PCYT2: variants seen among roughly 807,000 people sequenced by gnomAD.
PCYT2 encodes ethanolamine-phosphate cytidylyltransferase.
A neutral mutation model predicts 50.0 loss-of-function variants in PCYT2; 33 were observed. The observed-to-expected ratio is 0.66, with a 90% CI of 0.50 to 0.88. PCYT2 has a LOEUF of 0.88. Among genes scored for constraint, PCYT2 ranks in the 40% least tolerant of loss-of-function variants. PCYT2 has a pLI of 0.00. For synonymous variants in PCYT2, 240 were observed against 203.7 expected (o/e 1.18, Z -1.52); for missense variants, 430 against 519.7 (o/e 0.83, Z 1.68).
intron 6 of PCYT2, 35 bp from the exon 7 acceptor site, chr17:81,906,933 A>C (rs1338468885): frequency 6.2e-7 from 1 of 1,602,496 alleles, no homozygotes; most frequent in Admixed American, 1.7e-5. Context: ...TTGGCGGGGG[A>C]GGCCTCCCAG....
chr17:81,905,281 G>T, intron 11 of PCYT2, 101 bp downstream of exon 11: 1 of 1,324,322 alleles, frequency 7.6e-7, no homozygotes, highest in Non-Finnish European at 1.1e-6. Flanking sequence ...CGGAGCAGCT[G>T]CGCCACCATG....
At chr17:81,907,341 C>A in intron 6 of PCYT2, 2 of 1,359,486 alleles carry the variant, frequency 1.5e-6, no homozygotes, top group South Asian at 1.4e-5. Context: ...CAGTGGCTGC[C>A]GTGACCGGCC....
intron 7 of PCYT2, 31 bp from the exon 8 acceptor site, chr17:81,906,577 G>C (rs372363052): frequency 6.2e-7 from 1 of 1,603,184 alleles, no homozygotes; most frequent in Non-Finnish European, 8.5e-7. Context: ...AGTCGGGATG[G>C]GGATGACAGG....
chr17:81,905,632 G>A, intron 10 of PCYT2, 38 bp downstream of exon 10: 1 of 1,594,218 alleles, frequency 6.3e-7, no homozygotes, highest in Non-Finnish European at 8.6e-7. Flanking sequence ...GAACAGAGGT[G>A]AACAGAGGGA....
chr17:81,905,195 T>C, intron 11 of PCYT2, 41 bp from the exon 12 acceptor site: 1 of 1,540,004 alleles, frequency 6.5e-7, no homozygotes, highest in South Asian at 1.2e-5. Context: ...AGGTCCCTGC[T>C]GACCTCCCCA....
In PCYT2 at chr17:81,902,997, C is replaced by G. The variant is rs894689517; in HGVS notation, c.*1836G>C. 10 of 495,536 alleles carry G rather than the reference C, an allele frequency of 2.0e-5. 1 individual carries two copies. In the Admixed American group the frequency reaches 2.4e-4, roughly 12 times the overall value. 30.7% of individuals were successfully genotyped at this position (495,536 alleles called of 1,614,324 possible). A position where few individuals can be genotyped will look rare whatever the true frequency, so the allele number is the denominator to read the frequency against. On this transcript the variant is annotated 3_prime_UTR_variant, in exon 13 of 13. Transcript: ENST00000538936. ...GGGTATGAGAAGGCAGCCGAGTGTG[C>G]GGCGGCAGGGCAAGGTTGGCCTGGG...
Position 81,902,484 on chromosome 17 carries a change from C to A in PCYT2, c.*2349G>T. ...GGGCGGAACCCCCGGGCGGGGCCGG[C>A]GCCTCCCCGGAGCTGCAACTGCACC... is the stretch of plus-strand genomic sequence containing the variant. On this transcript the variant is annotated 3_prime_UTR_variant, in exon 13 of 13. Transcript: ENST00000538936. 7.2e-7 allele frequency: 1 copy of A among 1,397,754 alleles called. No homozygotes were observed. The highest frequency in any genetic ancestry group is 9.2e-7 in the Non-Finnish European group (1 of 1,084,424). 86.6% of individuals were successfully genotyped at this position (1,397,754 alleles called of 1,614,324 possible).
intron 8 of PCYT2, 48 bp from the exon 9 acceptor site, chr17:81,906,225 C>G: frequency 2.0e-6 from 3 of 1,508,892 alleles, no homozygotes; most frequent in Admixed American, 1.9e-5. Context: ...TTTGGGGGGA[C>G]AGGGTGTGCC....
In PCYT2 at chr17:81,901,444, C is replaced by T. The variant is rs1307610974; in HGVS notation, c.*3389G>A. 1 of 152,354 alleles carries T rather than the reference C, an allele frequency of 6.6e-6. No homozygotes were observed. Among genetic ancestry groups the T allele is most frequent in the Admixed American group, 6.5e-5 (1 of 15,288 alleles). 9.4% of individuals were successfully genotyped at this position (152,354 alleles called of 1,614,324 possible). A position where few individuals can be genotyped will look rare whatever the true frequency, so the allele number is the denominator to read the frequency against. On this transcript the variant is annotated 3_prime_UTR_variant, in exon 13 of 13. Transcript: ENST00000538936. The stretch of plus-strand genomic sequence containing the variant: ...TCAATCCAGTCAAGCTGACACTCAG[C>T]ATTCACCATCACACCTGGGAAGCAT...
chr17:81,909,624 G>A, intron 1 of PCYT2, 22 bp from the exon 2 acceptor site: 1 of 1,592,916 alleles, frequency 6.3e-7, no homozygotes, highest in African/African-American at 1.3e-5. Context: ...GAGAGAGTGG[G>A]TGGTCCCTGT....
At chr17:81,905,906 A>G (rs927022215) in intron 9 of PCYT2, 171 bp from the exon 10 acceptor site, 1 of 767,376 alleles carries the variant, frequency 1.3e-6, no homozygotes, top group Middle Eastern at 3.3e-4. Context: ...AAGAAGGAAC[A>G]GCATCTGGAG....
rs2143616671 is a variant in PCYT2 at position 81,902,751 on chromosome 17, C to G, written c.*2082G>C. Reference sequence around the variant, plus strand: ...CAGCCGACTGCCTCGCCGCCTGAGCCCGGACCTCTCCTGGCACCGCTGGGG... The same window carrying G: ...CAGCCGACTGCCTCGCCGCCTGAGCGCGGACCTCTCCTGGCACCGCTGGGG... On this transcript the variant is annotated 3_prime_UTR_variant, in exon 13 of 13. Coordinates refer to ENST00000538936, the MANE Select transcript of PCYT2 (RefSeq NM_002861.5). 1 of 1,604,172 alleles carries G rather than the reference C, an allele frequency of 6.2e-7. No individual in the cohort carries two copies. The highest frequency in any genetic ancestry group is 1.1e-5 in the South Asian group (1 of 90,016).
At chr17:81,905,917 A>G (rs2143670971) in intron 9 of PCYT2, 182 bp from the exon 10 acceptor site, 2 of 748,692 alleles carry the variant, frequency 2.7e-6, no homozygotes, top group East Asian at 5.3e-5. Context: ...GCATCTGGAG[A>G]CCTGACCACC....
intron 1 of PCYT2, 56 bp downstream of exon 1, chr17:81,911,211 C>A (rs1487335595): frequency 7.8e-6 from 8 of 1,023,350 alleles, no homozygotes; most frequent in Non-Finnish European, 8.2e-6. Flanking sequence ...TGGCGCGGCG[C>A]CCCGGAAGGA....
In PCYT2 at chr17:81,906,849, G is replaced by A; in HGVS notation, c.587C>T (p.Thr196Ile). Residue 196 changes from threonine (T) to isoleucine (I), a missense_variant, in exon 7 of 13, where the codon ACA (threonine) becomes ATA (isoleucine). This residue lies in a region of PCYT2 where 248 missense variants were observed against 300.2 expected (regional missense o/e 0.83). Transcript: ENST00000538936. ...AGCAAACTGGATGATCTTCTGAGAT[G>A]TCTGCAGGAACTGGGATACCCCGGT... Reference protein sequence around the residue: ...PWTGVSQFLQTSQKIIQFASG... With the variant: ...PWTGVSQFLQISQKIIQFASG... 6.2e-7 allele frequency: 1 copy of A among 1,613,448 alleles called. No individual in the cohort carries two copies. Among genetic ancestry groups the A allele is most frequent in the Non-Finnish European group, 8.5e-7 (1 of 1,179,950 alleles).
intron 11 of PCYT2, 69 bp from the exon 12 acceptor site, chr17:81,905,223 T>G (rs940426559): frequency 4.2e-6 from 6 of 1,418,284 alleles, no homozygotes; most frequent in African/African-American, 2.8e-5. Flanking sequence ...TCTGATGCCC[T>G]GCCCCAGAGG....
rs141286560 is a variant in PCYT2, at chr17:81,902,667, G to T, written c.*2166C>A. Reference sequence around the variant, plus strand: ...CCCCAAACCTGCAGAGGTGCGAGCGGCTCCCCGACGGCCGCGGGACCTACC... The same window carrying T: ...CCCCAAACCTGCAGAGGTGCGAGCGTCTCCCCGACGGCCGCGGGACCTACC... On this transcript the variant is annotated 3_prime_UTR_variant, in exon 13 of 13. Coordinates refer to ENST00000538936, the MANE Select transcript of PCYT2 (RefSeq NM_002861.5). The T allele has an allele frequency of 8.1e-6, 13 of 1,607,248 alleles. No individual in the cohort carries two copies. Among genetic ancestry groups the T allele is most frequent in the Non-Finnish European group, 1.1e-5 (13 of 1,178,506 alleles).
In PCYT2 at chr17:81,902,970, C is replaced by T. The variant is rs1364879676; in HGVS notation, c.*1863G>A. 8 of 513,608 alleles carry T rather than the reference C, an allele frequency of 1.6e-5. No individual in the cohort carries two copies. Among genetic ancestry groups the T allele is most frequent in the Non-Finnish European group, 2.7e-5 (8 of 296,434 alleles). 31.8% of individuals were successfully genotyped at this position (513,608 alleles called of 1,614,324 possible). A position where few individuals can be genotyped will look rare whatever the true frequency, so the allele number is the denominator to read the frequency against. On this transcript the variant is annotated 3_prime_UTR_variant, in exon 13 of 13. Transcript: ENST00000538936. ...GAACGGGACCTGGAAATCCCCAAGC[C>T]TGGGTATGAGAAGGCAGCCGAGTGT...
intron 1 of PCYT2, chr17:81,910,777 C>G (rs2040552211): frequency 3.4e-6 from 2 of 594,330 alleles, no homozygotes; most frequent in African/African-American, 2.0e-5. Flanking sequence ...CGAAACTTTT[C>G]TTAAAACAAT....
Sources: allele counts gnomAD v4.1 joint callset, GRCh38; gene constraint gnomAD v4.1.1; regional missense constraint gnomAD v4.1.1; transcripts MANE v1.5; gene names NCBI Gene and HGNC (gene_info 2026-07-23, HGNC 2026-07-21).